ODAD3: variants seen among roughly 807,000 people sequenced by gnomAD.
The protein encoded by ODAD3 is outer dynein arm-docking complex subunit 3.
A neutral mutation model predicts 70.9 loss-of-function variants in ODAD3; 57 were observed. The observed-to-expected ratio is 0.80, with a 90% CI of 0.65 to 1.00. The LOEUF is 1.00. Ranked by LOEUF, ODAD3 falls within the 50% of genes least tolerant of loss-of-function variation. ODAD3 has a pLI of 0.00. For missense variants in ODAD3, 797 were observed against 763.9 expected (o/e 1.04, Z -0.51); for synonymous variants, 327 against 315.9 (o/e 1.04, Z -0.37).
upstream of ODAD3, chr19:11,435,756 C>A (rs1172451619): frequency 4.4e-6 from 6 of 1,366,918 alleles, no homozygotes; most frequent in Non-Finnish European, 5.8e-6. Flanking sequence ...TTACAGGGGG[C>A]AACCGGAGGG....
intron 3 of ODAD3, among the ~76,000 whole-genome samples, chr19:11,429,781 AC>A (rs1186665918): frequency 6.9e-6 from 1 of 145,704 alleles, no homozygotes; most frequent in Non-Finnish European, 1.5e-5. Context: ...CTCGTGATCC[AC>A]CCGCCTCGGT....
chr19:11,433,952 C>T (rs1422951504), intron 1 of ODAD3, among the ~76,000 whole-genome samples: 2 of 151,980 alleles, frequency 1.3e-5, no homozygotes, highest in Non-Finnish European at 2.9e-5. Flanking sequence ...GGCGCGGTGG[C>T]TCACACATGT....
Position 11,422,953 on chromosome 19 carries a change from A to G in ODAD3, c.1117-92T>C. On this transcript the variant is annotated intron_variant, in intron 8 of 12. Coordinates refer to ENST00000356392, the MANE Select transcript of ODAD3 (RefSeq NM_145045.5). This position sits in a 1 kb window ranked among gnomAD's most constrained non-coding sequence, Gnocchi z 4.6. The stretch of plus-strand genomic sequence containing the variant: ...CCCCACCCTGCGAACCCTCGCACGC[A>G]GGACAGGTGGCCTGAGCTGGCGCCT... 6.9e-7 allele frequency: 1 copy of G among 1,440,082 alleles called. No individual in the cohort carries two copies. The allele number at this position is 1,440,082 out of a possible 1,614,324, so 89.2% of individuals were successfully genotyped here. A position where few individuals can be genotyped will look rare whatever the true frequency, so the allele number is the denominator to read the frequency against.
At chr19:11,423,590 C>CA (rs1479206598) in intron 8 of ODAD3, among the ~76,000 whole-genome samples, 1 of 152,118 alleles carries the variant, frequency 6.6e-6, no homozygotes, top group Non-Finnish European at 1.5e-5. Flanking sequence ...CTAGAGCTGG[C>CA]ATGGCAAAGG....
In ODAD3 at chr19:11,422,696, C is replaced by T. The variant is rs1002846846; in HGVS notation, c.1277+5G>A. 4 of 1,612,026 alleles carry T rather than the reference C, an allele frequency of 2.5e-6. No homozygotes were observed. Among genetic ancestry groups the T allele is most frequent in the East Asian group, 2.2e-5 (1 of 44,886 alleles). Reference sequence around the variant, plus strand: ...GCCGCCCTCCCCAGAGCCCCGGTGCCTCACCTCACCAGCGTGGCCTCCCCC... The same window carrying T: ...GCCGCCCTCCCCAGAGCCCCGGTGCTTCACCTCACCAGCGTGGCCTCCCCC... On this transcript the variant is annotated splice_donor_5th_base_variant and intron_variant, in intron 9 of 12. Coordinates refer to ENST00000356392, the MANE Select transcript of ODAD3 (RefSeq NM_145045.5). The surrounding 1 kb of genome is among the most constrained non-coding windows in gnomAD (Gnocchi z 4.6).
At chr19:11,433,289 C>T (rs1969538995) in intron 1 of ODAD3, among the ~76,000 whole-genome samples, 1 of 151,062 alleles carries the variant, frequency 6.6e-6, no homozygotes, top group Admixed American at 6.6e-5. Flanking sequence ...CCACAACAGA[C>T]ATCCATGCCA....
rs548170809 is a variant in ODAD3, at chr19:11,426,278, G to C, written c.841-12C>G. ...TACTGCAGCTGGTTCTGGAGGGCGG[G>C]CAGGGTAGCAGGGAGACCAGCTGGC... On this transcript the variant is annotated splice_polypyrimidine_tract_variant and intron_variant, in intron 6 of 12. Coordinates refer to ENST00000356392, the MANE Select transcript of ODAD3 (RefSeq NM_145045.5). 3.1e-5 allele frequency: 50 copies of C among 1,613,394 alleles called. No homozygotes were observed. In the South Asian group the frequency reaches 5.4e-4, roughly 17 times the overall value.
Position 11,422,202 on chromosome 19 carries a change from C to T in ODAD3, c.1434+269G>A, listed in dbSNP as rs1015538853. On this transcript the variant is annotated intron_variant, in intron 10 of 12. Coordinates refer to ENST00000356392, the MANE Select transcript of ODAD3 (RefSeq NM_145045.5). The surrounding 1 kb of genome is among the most constrained non-coding windows in gnomAD (Gnocchi z 4.6). ...GCTTTTCGGGGACAGGGTGGGACTT[C>T]TTTCCCTTGGAGGCGGAGCTTGAGA... Among the ~76,000 whole-genome samples the T allele has an allele frequency of 2.6e-5, 4 of 152,122 alleles. No individual in the cohort carries two copies. The highest frequency in any genetic ancestry group is 9.7e-5 in the African/African-American group (4 of 41,430).
chr19:11,430,183 G>C (rs1204051945), intron 3 of ODAD3, among the ~76,000 whole-genome samples: 2 of 151,928 alleles, frequency 1.3e-5, no homozygotes, highest in East Asian at 3.9e-4. Flanking sequence ...TGTTGCCCAG[G>C]CTGGAGTGTA....
chr19:11,426,648 G>A, intron 5 of ODAD3, 35 bp downstream of exon 5: 1 of 1,613,584 alleles, frequency 6.2e-7, no homozygotes, highest in Admixed American at 1.7e-5. Context: ...CGCCCTCCCT[G>A]TTTGTCATCT....
chr19:11,429,059 A>G (rs1164708262), intron 3 of ODAD3, among the ~76,000 whole-genome samples: 2 of 148,618 alleles, frequency 1.3e-5, no homozygotes, highest in East Asian at 2.0e-4. Context: ...TTGTATTTTT[A>G]GTAGAGACGG....
chr19:11,420,748 C>T lies in ODAD3; in HGVS notation c.*87G>A. 1.6e-6 allele frequency: 2 copies of T among 1,217,126 alleles called. No homozygotes were observed. The highest frequency in any genetic ancestry group is 2.5e-5 in the South Asian group (2 of 81,204). The allele number at this position is 1,217,126 out of a possible 1,614,324, so 75.4% of individuals were successfully genotyped here. ...CGTTCCCGGTCCGGGCCGCGTTCAG[C>T]CCCTGAAGGGGCCCCGTGGGGCCTG... On this transcript the variant is annotated 3_prime_UTR_variant, in exon 13 of 13. Transcript: ENST00000356392.
At chr19:11,423,462 G>A (rs1015165779) in intron 8 of ODAD3, among the ~76,000 whole-genome samples, 10 of 152,196 alleles carry the variant, frequency 6.6e-5, no homozygotes, top group Admixed American at 6.5e-4. Flanking sequence ...TTACAGTGAG[G>A]GACCCGGCGC....
intron 6 of ODAD3, 45 bp from the exon 7 acceptor site, chr19:11,426,311 A>G: frequency 6.2e-7 from 1 of 1,610,284 alleles, no homozygotes; most frequent in South Asian, 1.1e-5. Flanking sequence ...GGCACCTACC[A>G]CTGCCCGCCG....
rs1390910815 is a variant in ODAD3, at chr19:11,425,399, A to ATGTGTATATG, written c.963+744_963+745insCATATACACA. ...TATGTGTGTATGTACATATGTGTATATGTATATATACATATATGTGTATAT... is the reference window on the plus strand; with the variant it reads ...TATGTGTGTATGTACATATGTGTATATGTGTATATGTGTATATATACATATATGTGTATAT... On this transcript the variant is annotated intron_variant, in intron 7 of 12. Transcript: ENST00000356392. Among the ~76,000 whole-genome samples, 32 of 132,272 alleles carry ATGTGTATATG rather than the reference A, an allele frequency of 2.4e-4. 3 individuals carry two copies. The highest frequency in any genetic ancestry group is 8.8e-4 in the South Asian group (4 of 4,564). The allele number at this position is 132,272 out of a possible 152,430, so 86.8% of individuals were successfully genotyped here.
At chr19:11,426,421 T>C (rs1969375649) in intron 6 of ODAD3, 25 bp downstream of exon 6, 1 of 1,613,726 alleles carries the variant, frequency 6.2e-7, no homozygotes, top group Non-Finnish European at 8.5e-7. Flanking sequence ...CTGGGCAGGA[T>C]GGCCGAGGGC....
At chr19:11,425,056 T>TATATAC (rs1969262941) in intron 7 of ODAD3, among the ~76,000 whole-genome samples, 4 of 121,110 alleles carry the variant, frequency 3.3e-5, no homozygotes, top group Non-Finnish European at 3.2e-5. Context: ...TATATATGTG[T>TATATAC]ATATGTGTAT....
Position 11,432,711 on chromosome 19 carries a change from C to T in ODAD3, c.245-1691G>A, listed in dbSNP as rs78971377. Among the ~76,000 whole-genome samples, 760 of 152,246 alleles carry T rather than the reference C, an allele frequency of 5.0e-3. 8 individuals are homozygous for T. Among genetic ancestry groups the T allele is most frequent in the African/African-American group, 0.018 (735 of 41,530 alleles). ...CGTGCCAATAGGTATCCATGGCATA[C>T]GCATATCATACCCCTTGCACAGATG... On this transcript the variant is annotated intron_variant, in intron 1 of 12. Coordinates refer to ENST00000356392, the MANE Select transcript of ODAD3 (RefSeq NM_145045.5).
rs759407249 is a variant in ODAD3 at position 11,426,863 on chromosome 19, C to T, written c.612+10G>A. On this transcript the variant is annotated intron_variant, in intron 4 of 12. Coordinates refer to ENST00000356392, the MANE Select transcript of ODAD3 (RefSeq NM_145045.5). ...CGACCCTCTGCCCTGCAGGCCTCAC[C>T]CGCCCCTACCTTGGCCACCTCCGTG... is the stretch of plus-strand genomic sequence containing the variant. The T allele has an allele frequency of 1.2e-6, 2 of 1,610,292 alleles. No homozygotes were observed. Among genetic ancestry groups the T allele is most frequent in the East Asian group, 2.2e-5 (1 of 44,796 alleles).
Sources: gnomAD v4.1 joint callset for allele counts (sites outside exome capture counted in the v4.1 genomes callset) on GRCh38, gnomAD v4.1.1 for gene constraint, Gnocchi (gnomAD v3.1) non-coding constraint, MANE v1.5 for transcripts, NCBI Gene and HGNC (gene_info 2026-07-23, HGNC 2026-07-21) for gene names.